The following HDAC9 variants were observed in gnomAD, a reference collection of about 807,000 sequenced individuals.
HDAC9 encodes the protein histone deacetylase 9.
A neutral mutation model predicts 139.4 loss-of-function variants in HDAC9; 41 were observed. That is an observed-to-expected ratio of 0.29 (90% confidence interval 0.23 to 0.38). The LOEUF (loss-of-function observed/expected upper bound fraction) is 0.38. Among genes scored for constraint, HDAC9 ranks in the 10% least tolerant of loss-of-function variants. The probability of loss-of-function intolerance (pLI) is 1.00; values close to 1 mark genes in which losing one functional copy is unlikely to be tolerated. For missense variants in HDAC9, 1,147 were observed against 1,297.0 expected (o/e 0.88, Z 1.78); for synonymous variants, 517 against 476.2 (o/e 1.09, Z -1.12).
intron 13 of HDAC9, among the ~76,000 whole-genome samples, chr7:18,744,012 G>GTTTTTTTTTTTTTTTTTTTTTTTTT (rs35414332): frequency 1.8e-5 from 2 of 110,442 alleles, no homozygotes; most frequent in African/African-American, 6.9e-5. Context: ...TTTACTACTA[G>GTTTTTTTTTTTTTTTTTTTTTTTTT]TTTTTTTTTT....
chr7:18,734,170 T>G (rs1362801272), intron 13 of HDAC9, among the ~76,000 whole-genome samples: 1 of 152,160 alleles, frequency 6.6e-6, no homozygotes, highest in African/African-American at 2.4e-5. Context: ...CACATTTGGG[T>G]ATTTCTCACA....
intron 25 of HDAC9, among the ~76,000 whole-genome samples, chr7:18,987,114 A>G (rs941816099): frequency 6.6e-5 from 10 of 152,230 alleles, no homozygotes; most frequent in Middle Eastern, 3.4e-3. Context: ...GTTGAAGAGG[A>G]GTGGTGAGAG....
chr7:18,601,217 T>C (rs1214779793), intron 6 of HDAC9, among the ~76,000 whole-genome samples: 1 of 152,184 alleles, frequency 6.6e-6, no homozygotes, highest in Non-Finnish European at 1.5e-5. Flanking sequence ...CTTTCCTAAT[T>C]TTTTTGGTAT....
At chr7:18,646,886 T>A (rs771615092) in intron 9 of HDAC9, among the ~76,000 whole-genome samples, 17 of 152,192 alleles carry the variant, frequency 1.1e-4, no homozygotes, top group Non-Finnish European at 2.1e-4. Context: ...TGTAGTTTAT[T>A]ATACAAAATA....
chr7:18,690,306 T>C (rs958583235), intron 12 of HDAC9, among the ~76,000 whole-genome samples: 2 of 152,080 alleles, frequency 1.3e-5, no homozygotes, highest in African/African-American at 4.8e-5. Flanking sequence ...CTAAAATATT[T>C]GTAAATTATA....
intron 16 of HDAC9, among the ~76,000 whole-genome samples, chr7:18,770,254 A>G (rs1328451316): frequency 1.3e-5 from 2 of 152,042 alleles, no homozygotes; most frequent in East Asian, 1.9e-4. Context: ...CTTTTTGTTC[A>G]GTTATTATGG....
chr7:18,496,565 G>T, intron 2 of HDAC9: 2 of 509,044 alleles, frequency 3.9e-6, no homozygotes, highest in Admixed American at 6.9e-5. Flanking sequence ...TCTGATGAAA[G>T]ATGAGACTGA....
At chr7:18,645,797 T>C (rs1454817369) in intron 9 of HDAC9, among the ~76,000 whole-genome samples, 1 of 152,180 alleles carries the variant, frequency 6.6e-6, no homozygotes, top group Non-Finnish European at 1.5e-5. Context: ...CCTTCAAGTC[T>C]TCCACTGAGT....
At chr7:18,368,465 T>C (rs765705562) in intron 1 of HDAC9, among the ~76,000 whole-genome samples, 7 of 152,056 alleles carry the variant, frequency 4.6e-5, no homozygotes, top group Non-Finnish European at 7.4e-5. Flanking sequence ...TTCTGAACTC[T>C]GTTTGGTTCC....
intron 1 of HDAC9, among the ~76,000 whole-genome samples, chr7:18,327,152 G>A (rs990379902): frequency 6.6e-6 from 1 of 151,710 alleles, no homozygotes; most frequent in Non-Finnish European, 1.5e-5. Flanking sequence ...ATTTAATTTA[G>A]TAAGGAAACA....
intron 9 of HDAC9, among the ~76,000 whole-genome samples, chr7:18,645,452 A>T (rs1161508363): frequency 6.6e-6 from 1 of 152,164 alleles, no homozygotes; most frequent in Non-Finnish European, 1.5e-5. Flanking sequence ...TCATACTGTT[A>T]CATGAAGGCC....
chr7:18,520,601 T>C (rs1804726313), intron 2 of HDAC9, among the ~76,000 whole-genome samples: 1 of 152,156 alleles, frequency 6.6e-6, no homozygotes, highest in Admixed American at 6.6e-5. Flanking sequence ...GATTTTCGAA[T>C]TGATGTAATG....
At chr7:18,286,377 C>T (rs1199811259), upstream of HDAC9, among the ~76,000 whole-genome samples, 1 of 149,098 alleles carries the variant, frequency 6.7e-6, no homozygotes, top group Non-Finnish European at 1.5e-5. Context: ...ATAATAATTA[C>T]ATATATAGTA....
intron 2 of HDAC9, among the ~76,000 whole-genome samples, chr7:18,199,780 G>C (rs1045146991): frequency 1.5e-5 from 2 of 129,052 alleles, no homozygotes; most frequent in Non-Finnish European, 3.2e-5. Flanking sequence ...AAAAAAAAAA[G>C]GCTGTGCTTA....
At chr7:18,851,274 G>A (rs1277536984) in intron 21 of HDAC9, 1 of 152,192 alleles carries the variant, frequency 6.6e-6, no homozygotes, top group Non-Finnish European at 1.5e-5. Context: ...TCGAGGGAGG[G>A]ACCTGGTGGG....
At chr7:18,855,436 C>G (rs1008847146) in intron 21 of HDAC9, among the ~76,000 whole-genome samples, 11 of 151,956 alleles carry the variant, frequency 7.2e-5, no homozygotes, top group African/African-American at 2.7e-4. Flanking sequence ...TGGTCAGTAG[C>G]TCTATCCACC....
At chr7:18,240,788 A>T (rs1794138878) in intron 2 of HDAC9, among the ~76,000 whole-genome samples, 1 of 152,164 alleles carries the variant, frequency 6.6e-6, no homozygotes, top group Non-Finnish European at 1.5e-5. Flanking sequence ...TTCCTTGTTC[A>T]TTCTACTCCA....
At chr7:18,244,994 C>CCTCTATCTATCTATCTATCTATCTATCT (rs71553924) in intron 2 of HDAC9, among the ~76,000 whole-genome samples, 11,531 of 147,926 alleles carry the variant, frequency 0.078, 584 homozygotes, top group East Asian at 0.094. Context: ...ATCTAATCTG[C>CCTCTATCTATCTATCTATCTATCTATCT]ATCTATCTAT....
chr7:18,909,803 C>G (rs1182694642), intron 22 of HDAC9, among the ~76,000 whole-genome samples: 1 of 151,882 alleles, frequency 6.6e-6, no homozygotes, highest in Non-Finnish European at 1.5e-5. Flanking sequence ...CTCTTCTATT[C>G]CACTGATCTA....
Sources: allele counts gnomAD v4.1 joint callset (sites outside exome capture counted in the v4.1 genomes callset), GRCh38; gene constraint gnomAD v4.1.1; transcripts MANE v1.5; gene names NCBI Gene and HGNC (gene_info 2026-07-23, HGNC 2026-07-21).